POU6F2: variants seen among roughly 807,000 people sequenced by gnomAD.
POU6F2 encodes the protein POU class 6 homeobox 2.
Under a neutral mutation model 71.3 loss-of-function variants are expected in POU6F2, and 31 were observed. The ratio of observed to expected loss-of-function variants is 0.43; its 90% CI spans 0.33 to 0.59. The LOEUF is 0.59. POU6F2 is among the 20% of genes least tolerant of loss of function. The pLI is 0.04. For missense variants in POU6F2, 783 were observed against 856.8 expected, an observed-to-expected ratio of 0.91 and a Z score of 1.07; for synonymous variants, 347 against 355.7, an observed-to-expected ratio of 0.98 and a Z score of 0.27.
intron 1 of POU6F2, among the ~76,000 whole-genome samples, chr7:39,068,093 G>T (rs1414342424): frequency 6.6e-6 from 1 of 152,004 alleles, no homozygotes; most frequent in Non-Finnish European, 1.5e-5. Context: ...TCAAGAGATT[G>T]CCTGGTTTTT....
intron 4 of POU6F2, among the ~76,000 whole-genome samples, chr7:39,240,552 C>T (rs1248476265): frequency 6.6e-6 from 1 of 152,076 alleles, no homozygotes; most frequent in East Asian, 1.9e-4. Flanking sequence ...AACTCAAACT[C>T]CTGCATAAGA....
intron 2 of POU6F2, among the ~76,000 whole-genome samples, chr7:39,174,201 AT>A (rs1177871303): frequency 6.6e-6 from 1 of 152,192 alleles, no homozygotes; most frequent in Non-Finnish European, 1.5e-5. Context: ...TACTTAGAAA[AT>A]GTGACCAAAT....
At chr7:39,431,083 G>T (rs1338459150) in intron 6 of POU6F2, among the ~76,000 whole-genome samples, 1 of 152,120 alleles carries the variant, frequency 6.6e-6, no homozygotes, top group South Asian at 2.1e-4. Flanking sequence ...GACGCCTCCT[G>T]ACCTTGCCCA....
At position 39,005,869 on chromosome 7, in the gene POU6F2, T is replaced by C. The variant is rs1414709888; in HGVS notation, c.105+27811T>C. On this transcript the variant is annotated intron_variant, in intron 1 of 9. Transcript: ENST00000518318. The stretch of plus-strand genomic sequence containing the variant: ...AAACAATTGGACCTTTTCATCATAT[T>C]GTGGCATGCAGCAGTAAAATGGACA... Among the ~76,000 whole-genome samples, 5 of 152,302 alleles carry C rather than the reference T, an allele frequency of 3.3e-5. No individual in the cohort carries two copies. The East Asian group carries it at 9.6e-4, about 29-fold the overall frequency.
intron 4 of POU6F2, among the ~76,000 whole-genome samples, chr7:39,237,063 C>G (rs779807492): frequency 1.3e-5 from 2 of 152,114 alleles, no homozygotes; most frequent in Non-Finnish European, 2.9e-5. Context: ...TGCTACACTC[C>G]TCACACACAG....
At chr7:39,340,369 C>A (rs1006550870) in intron 5 of POU6F2, among the ~76,000 whole-genome samples, 3 of 152,196 alleles carry the variant, frequency 2.0e-5, no homozygotes, top group Non-Finnish European at 4.4e-5. Context: ...ATTACTAGCA[C>A]AGTTTTGTAG....
intron 2 of POU6F2, among the ~76,000 whole-genome samples, chr7:39,179,659 C>T (rs1287965591): frequency 1.3e-5 from 2 of 152,216 alleles, no homozygotes; most frequent in African/African-American, 4.8e-5. Flanking sequence ...TCTGCAGTTG[C>T]CGCCGGCTCA....
At chr7:39,127,089 A>G (rs1792154629) in intron 2 of POU6F2, among the ~76,000 whole-genome samples, 1 of 152,252 alleles carries the variant, frequency 6.6e-6, no homozygotes, top group Admixed American at 6.5e-5. Flanking sequence ...GATGTAAATT[A>G]AATGTATTCA....
intron 2 of POU6F2, among the ~76,000 whole-genome samples, chr7:39,119,086 C>A (rs1362441705): frequency 6.6e-6 from 1 of 152,088 alleles, no homozygotes; most frequent in Non-Finnish European, 1.5e-5. Context: ...GAGGATAAAC[C>A]AAGAAAGAAG....
chr7:39,283,869 T>G (rs118054940), intron 4 of POU6F2, among the ~76,000 whole-genome samples: 1,828 of 152,324 alleles, frequency 0.012, 19 homozygotes, highest in Non-Finnish European at 0.02. Context: ...GCACCTGTAC[T>G]CTCTCAAAGT....
At chr7:39,021,872 G>T (rs187961054) in intron 1 of POU6F2, among the ~76,000 whole-genome samples, 1 of 152,112 alleles carries the variant, frequency 6.6e-6, no homozygotes, top group Non-Finnish European at 1.5e-5. Context: ...CTTGTCTTTT[G>T]TATTGGTTCC....
intron 4 of POU6F2, among the ~76,000 whole-genome samples, chr7:39,231,500 A>G (rs1328605392): frequency 6.6e-6 from 1 of 152,204 alleles, no homozygotes; most frequent in Non-Finnish European, 1.5e-5. Context: ...AAAAATTGCT[A>G]TAAGAGATTA....
At chr7:39,381,678 G>C (rs1053517171) in intron 5 of POU6F2, among the ~76,000 whole-genome samples, 1 of 152,196 alleles carries the variant, frequency 6.6e-6, no homozygotes, top group Non-Finnish European at 1.5e-5. Flanking sequence ...AGTTGCAAAA[G>C]ACTGATTTGT....
chr7:39,100,650 T>C (rs1791550579), intron 2 of POU6F2, among the ~76,000 whole-genome samples: 1 of 152,250 alleles, frequency 6.6e-6, no homozygotes, highest in African/African-American at 2.4e-5. Context: ...TTTGTGTTAA[T>C]GTTAAGTAGA....
At chr7:39,202,903 G>C (rs1160210389) in intron 2 of POU6F2, among the ~76,000 whole-genome samples, 1 of 152,216 alleles carries the variant, frequency 6.6e-6, no homozygotes, top group Admixed American at 6.5e-5. Flanking sequence ...ATGCTTGTAA[G>C]TATTCTCCAA....
At chr7:39,304,338 CGAATCGACATA>C (rs1785011586) in intron 4 of POU6F2, among the ~76,000 whole-genome samples, 1 of 152,122 alleles carries the variant, frequency 6.6e-6, no homozygotes, top group African/African-American at 2.4e-5. Flanking sequence ...TTTGAGAATT[CGAATCGACATA>C]TCTTGAGCCA....
intron 4 of POU6F2, among the ~76,000 whole-genome samples, chr7:39,299,223 AC>A (rs1320975540): frequency 4.6e-5 from 7 of 152,154 alleles, no homozygotes; most frequent in African/African-American, 1.7e-4. Context: ...AATTTAAACT[AC>A]CCTCACCTGC....
At chr7:39,314,063 G>A (rs533029983) in intron 4 of POU6F2, among the ~76,000 whole-genome samples, 7 of 152,258 alleles carry the variant, frequency 4.6e-5, no homozygotes, top group Admixed American at 3.9e-4. Context: ...GTGCAGCTTC[G>A]ATTGTTCTAT....
chr7:39,163,428 T>C (rs947217762), intron 2 of POU6F2, among the ~76,000 whole-genome samples: 2 of 152,150 alleles, frequency 1.3e-5, no homozygotes. Context: ...TGGATGGAGA[T>C]TCAGAGACTT....
Sources: allele counts gnomAD v4.1 joint callset (sites outside exome capture counted in the v4.1 genomes callset), GRCh38; gene constraint gnomAD v4.1.1; transcripts MANE v1.5; gene names NCBI Gene and HGNC (gene_info 2026-07-23, HGNC 2026-07-21).